Variants in MOB3B observed in about 807,000 individuals in gnomAD.
MOB3B encodes MOB kinase activator-like 2B.
A neutral mutation model predicts 18.7 loss-of-function variants in MOB3B; 7 were observed. The observed-to-expected ratio is 0.37, with a 90% CI of 0.21 to 0.70. The LOEUF (loss-of-function observed/expected upper bound fraction) is 0.70. Ranked by LOEUF, MOB3B falls within the 30% of genes least tolerant of loss-of-function variation. MOB3B has a pLI of 0.52. For missense variants in MOB3B, 253 were observed against 281.3 expected (o/e 0.90, Z 0.72); for synonymous variants, 111 against 99.9 (o/e 1.11, Z -0.66).
At chr9:27,448,614 C>A (rs116605568) in intron 2 of MOB3B, among the ~76,000 whole-genome samples, 2 of 152,252 alleles carry the variant, frequency 1.3e-5, no homozygotes, top group East Asian at 3.9e-4. Context: ...TCCCACCATG[C>A]GTGGGAATTA....
chr9:27,445,318 C>A (rs1822673337), intron 2 of MOB3B, among the ~76,000 whole-genome samples: 1 of 141,498 alleles, frequency 7.1e-6, no homozygotes, highest in African/African-American at 2.5e-5. Flanking sequence ...GGGAGGTAGT[C>A]TCAGAGAAGT....
chr9:27,383,217 C>G lies in MOB3B; in HGVS notation c.419-23981G>C, dbSNP rs115149180. On this transcript the variant is annotated intron_variant, in intron 2 of 3. Transcript: ENST00000262244. ...CTGTGCCTTGGAGGTAATAACAGAA[C>G]CTCACCCACAGGGCTGTCATGGCGA... 8.3e-3 allele frequency among the ~76,000 whole-genome samples: 1,259 copies of G among 152,200 alleles called. 25 individuals carry two copies. The highest frequency in any genetic ancestry group is 0.028 in the African/African-American group (1,178 of 41,524).
intron 2 of MOB3B, among the ~76,000 whole-genome samples, chr9:27,393,256 T>G (rs553120172): frequency 6.6e-6 from 1 of 152,280 alleles, no homozygotes; most frequent in South Asian, 2.1e-4. Context: ...AAGAAGTTAT[T>G]TCCCCAAAGT....
At chr9:27,455,843 G>A (rs1481075769) in intron 1 of MOB3B, 95 bp from the exon 2 acceptor site, 31 of 1,255,758 alleles carry the variant, frequency 2.5e-5, no homozygotes, top group Non-Finnish European at 3.0e-5. Context: ...GTTCTTGGCT[G>A]TGCCCACTCT....
chr9:27,500,536 G>A (rs181981674), intron 1 of MOB3B, among the ~76,000 whole-genome samples: 6 of 152,242 alleles, frequency 3.9e-5, no homozygotes, highest in South Asian at 4.1e-4. Context: ...GGGAAAACTC[G>A]CTAGCCGTAT....
chr9:27,519,657 G>A (rs553964438), intron 1 of MOB3B, among the ~76,000 whole-genome samples: 1 of 152,304 alleles, frequency 6.6e-6, no homozygotes, highest in South Asian at 2.1e-4. Flanking sequence ...GGGGAGGAGA[G>A]GAGCATGACA....
chr9:27,523,291 G>A (rs1410094353), intron 1 of MOB3B, among the ~76,000 whole-genome samples: 1 of 151,956 alleles, frequency 6.6e-6, no homozygotes, highest in Non-Finnish European at 1.5e-5. Context: ...AGTAACATTG[G>A]TCCAGCTAGG....
In MOB3B at chr9:27,464,762, A is replaced by G. The variant is rs536219861; in HGVS notation, c.-198-9014T>C. On this transcript the variant is annotated intron_variant, in intron 1 of 3. Transcript: ENST00000262244. ...TCAGAATCATGGCGGGAGGTGGAAG[A>G]CACTTCTTACATGGCAGCAGCAAGA... Among the ~76,000 whole-genome samples the G allele has an allele frequency of 5.9e-5, 9 of 152,268 alleles. No homozygotes were observed. In the East Asian group the frequency reaches 1.5e-3, roughly 26 times the overall value.
chr9:27,495,923 C>T (rs1280426193), intron 1 of MOB3B, among the ~76,000 whole-genome samples: 1 of 152,152 alleles, frequency 6.6e-6, no homozygotes, highest in African/African-American at 2.4e-5. Context: ...ATCTCCTATC[C>T]TGGAGGAACA....
chr9:27,460,869 C>T (rs1563874458), intron 1 of MOB3B, among the ~76,000 whole-genome samples: 7 of 152,168 alleles, frequency 4.6e-5, no homozygotes, highest in Admixed American at 2.0e-4. Context: ...CAGTGAATTA[C>T]GAACATTTTA....
At chr9:27,369,816 C>T (rs1446170376) in intron 2 of MOB3B, among the ~76,000 whole-genome samples, 1 of 152,180 alleles carries the variant, frequency 6.6e-6, no homozygotes, top group Non-Finnish European at 1.5e-5. Context: ...CAAACCTTAA[C>T]TAATTTGTCA....
chr9:27,511,111 C>G (rs1192321703), intron 1 of MOB3B, among the ~76,000 whole-genome samples: 2 of 151,994 alleles, frequency 1.3e-5, no homozygotes, highest in African/African-American at 4.8e-5. Context: ...GTGTGTTTAA[C>G]TCATTTTTGT....
chr9:27,338,693 C>T (rs1023540838), intron 3 of MOB3B, among the ~76,000 whole-genome samples: 4 of 152,250 alleles, frequency 2.6e-5, no homozygotes, highest in African/African-American at 9.6e-5. Context: ...TGGCCTCGGG[C>T]ACAGGGAGGC....
intron 2 of MOB3B, among the ~76,000 whole-genome samples, chr9:27,414,187 A>G (rs1822113998): frequency 6.6e-6 from 1 of 152,210 alleles, no homozygotes; most frequent in Non-Finnish European, 1.5e-5. Flanking sequence ...ACTCTTGCCA[A>G]TAAATGCCAA....
Position 27,325,741 on chromosome 9 carries a change from G to A in MOB3B, c.*4846C>T, listed in dbSNP as rs1248255606. On this transcript the variant is annotated 3_prime_UTR_variant, in exon 4 of 4. Coordinates refer to ENST00000262244, the MANE Select transcript of MOB3B (RefSeq NM_024761.5). ...ATGCCTCCAACTCCTTTTAATGATT[G>A]TGCCTTGGTACACATTTCCTCAAAG... 6.6e-6 allele frequency: 1 copy of A among 152,114 alleles called. No homozygotes were observed. The allele number at this position is 152,114 out of a possible 1,614,324, so 9.4% of individuals were successfully genotyped here.
intron 1 of MOB3B, among the ~76,000 whole-genome samples, chr9:27,461,068 CCT>C (rs1371268389): frequency 1.6e-4 from 25 of 152,184 alleles, no homozygotes; most frequent in African/African-American, 5.3e-4. Flanking sequence ...CTGCTCCATT[CCT>C]CTGTGTTATC....
intron 2 of MOB3B, among the ~76,000 whole-genome samples, chr9:27,451,782 T>G (rs75994394): frequency 6.6e-6 from 1 of 152,158 alleles, no homozygotes; most frequent in South Asian, 2.1e-4. Flanking sequence ...ACAGACATCT[T>G]GATTATCTCC....
intron 1 of MOB3B, among the ~76,000 whole-genome samples, chr9:27,473,733 C>T (rs1327449963): frequency 6.6e-6 from 1 of 152,104 alleles, no homozygotes; most frequent in East Asian, 1.9e-4. Context: ...CCCCACCTTG[C>T]TCACAAGCAG....
At chr9:27,432,601 A>G (rs1244904715) in intron 2 of MOB3B, among the ~76,000 whole-genome samples, 1 of 152,198 alleles carries the variant, frequency 6.6e-6, no homozygotes, top group African/African-American at 2.4e-5. Context: ...CAGAACAGGT[A>G]CTGTCATTGA....
Sources: gnomAD v4.1 joint callset for allele counts (sites outside exome capture counted in the v4.1 genomes callset) on GRCh38, gnomAD v4.1.1 for gene constraint, MANE v1.5 for transcripts, NCBI Gene and HGNC (gene_info 2026-07-23, HGNC 2026-07-21) for gene names.